Variants in SYNC observed in about 807,000 individuals in gnomAD.
SYNC encodes the protein syncoilin.
SYNC carries 38 observed loss-of-function variants against 49.5 expected under a neutral mutation model. The observed-to-expected ratio is 0.77, with a 90% CI of 0.59 to 1.01. The LOEUF is 1.01. Among genes scored for constraint, SYNC ranks in the 50% least tolerant of loss-of-function variants. SYNC has a pLI of 0.00. For missense variants in SYNC, 579 were observed against 580.6 expected, an observed-to-expected ratio of 1.00 and a Z score of 0.03; for synonymous variants, 201 against 230.8, an observed-to-expected ratio of 0.87 and a Z score of 1.17.
chr1:32,696,084 T>G (rs1364486473), intron 1 of SYNC, 40 bp from the exon 2 acceptor site: 12 of 1,499,020 alleles, frequency 8.0e-6, no homozygotes, highest in Non-Finnish European at 1.1e-5. Flanking sequence ...GCAGCCACAA[T>G]CCCAGGATGG....
At chr1:32,683,799 ATTT>A in intron 4 of SYNC, 1 of 526,690 alleles carries the variant, frequency 1.9e-6, no homozygotes, top group African/African-American at 1.9e-5. Flanking sequence ...TGCCCGGCTA[ATTT>A]TTGTATTTTT....
At chr1:32,684,504 TATTTA>T (rs1325627957) in intron 2 of SYNC, 122 bp from the exon 3 acceptor site, 62 of 1,389,160 alleles carry the variant, frequency 4.5e-5, no homozygotes, top group Non-Finnish European at 6.0e-5. Flanking sequence ...TTGAGGCTGG[TATTTA>T]TATGATAGGT....
intron 2 of SYNC, among the ~76,000 whole-genome samples, chr1:32,687,858 A>ATTTTTTTTTTTT (rs1553199396): frequency 5.6e-5 from 8 of 144,084 alleles, no homozygotes; most frequent in African/African-American, 1.5e-4. Flanking sequence ...TATTATTATT[A>ATTTTTTTTTTTT]TTATTTTTTG....
chr1:32,695,513 C>G lies in SYNC; in HGVS notation c.585G>C (p.Gln195His). ...GGAGCAATACAAGCTCATGGATGAG[C>G]TGATCCCTCTCCTCTTCCAGCTGGG... ...AVAQLEEERDQLIHELVLLRE... is the reference protein window; with the variant it reads ...AVAQLEEERDHLIHELVLLRE... Residue 195 changes from glutamine (Q) to histidine (H), a missense_variant, in exon 2 of 5, where the codon CAG becomes CAC. Coordinates refer to ENST00000409190, the MANE Select transcript of SYNC (RefSeq NM_030786.3). 1 of 1,551,514 alleles carries G rather than the reference C, an allele frequency of 6.4e-7. No homozygotes were observed. Among genetic ancestry groups the G allele is most frequent in the Non-Finnish European group, 8.7e-7 (1 of 1,146,974 alleles).
intron 1 of SYNC, among the ~76,000 whole-genome samples, chr1:32,697,691 T>C (rs911397245): frequency 6.9e-6 from 1 of 145,658 alleles, no homozygotes; most frequent in African/African-American, 2.6e-5. Flanking sequence ...GAGCCATGAC[T>C]GCACCACTCT....
intron 1 of SYNC, among the ~76,000 whole-genome samples, chr1:32,700,447 G>A (rs1650620823): frequency 6.6e-6 from 1 of 152,218 alleles, no homozygotes; most frequent in Non-Finnish European, 1.5e-5. Flanking sequence ...TGTAATCCCA[G>A]CACTTTGGGA....
At chr1:32,691,534 C>T (rs1650166835) in intron 2 of SYNC, among the ~76,000 whole-genome samples, 1 of 135,174 alleles carries the variant, frequency 7.4e-6, no homozygotes, top group African/African-American at 2.7e-5. Flanking sequence ...GCATGGGTGA[C>T]AGAGGGAGAC....
At chr1:32,687,670 C>A (rs1475613002) in intron 2 of SYNC, among the ~76,000 whole-genome samples, 21 of 141,832 alleles carry the variant, frequency 1.5e-4, no homozygotes, top group East Asian at 2.1e-4. Flanking sequence ...GGCTCCGTCT[C>A]AAAAAAAAAA....
chr1:32,680,880 G>T lies in SYNC; in HGVS notation c.*970C>A. On this transcript the variant is annotated 3_prime_UTR_variant, in exon 5 of 5. Transcript: ENST00000409190. ...GTGGCACAGATTAGTCTTTGATAAG[G>T]TAACGTTTCTTTGAAGTCTATCTGT... The T allele has an allele frequency of 3.9e-6, 1 of 259,360 alleles. No homozygotes were observed. Among genetic ancestry groups the T allele is most frequent in the Non-Finnish European group, 7.2e-6 (1 of 138,074 alleles). 16.1% of individuals were successfully genotyped at this position (259,360 alleles called of 1,614,324 possible).
chr1:32,703,314 G>A (rs1650741895), upstream of SYNC, among the ~76,000 whole-genome samples: 1 of 152,186 alleles, frequency 6.6e-6, no homozygotes, highest in Non-Finnish European at 1.5e-5. Context: ...TGGGGTTAGA[G>A]AGAACTGCGG....
chr1:32,687,168 T>C (rs1649882978), intron 2 of SYNC, among the ~76,000 whole-genome samples: 1 of 151,852 alleles, frequency 6.6e-6, no homozygotes, highest in South Asian at 2.1e-4. Flanking sequence ...GAGACCAGCC[T>C]GGCCAACATG....
chr1:32,696,135 A>C, intron 1 of SYNC, 91 bp from the exon 2 acceptor site: 1 of 1,057,186 alleles, frequency 9.5e-7, no homozygotes, highest in Non-Finnish European at 1.3e-6. Flanking sequence ...AGACTACCTC[A>C]GGTTCTTAGA....
chr1:32,688,179 A>T (rs990502497), intron 2 of SYNC, among the ~76,000 whole-genome samples: 10 of 152,078 alleles, frequency 6.6e-5, no homozygotes, highest in Non-Finnish European at 1.0e-4. Context: ...GAAGAGCCTG[A>T]GTATGGACTC....
rs137990754 is a variant in SYNC, at chr1:32,697,171, G to A, written c.54-1127C>T. Among the ~76,000 whole-genome samples the A allele has an allele frequency of 3.6e-3, 553 of 152,076 alleles. 5 individuals are homozygous for A. Among genetic ancestry groups the A allele is most frequent in the African/African-American group, 0.013 (522 of 41,476 alleles). On this transcript the variant is annotated intron_variant, in intron 1 of 4. Coordinates refer to ENST00000409190, the MANE Select transcript of SYNC (RefSeq NM_030786.3). The stretch of plus-strand genomic sequence containing the variant: ...AGAGAACCATGGTCGGCCAGGCGTG[G>A]TGGCTCACACCTGTAATCTCAGCAC...
chr1:32,695,830 G>A lies in SYNC; in HGVS notation c.268C>T (p.Gln90Ter), dbSNP rs753452112. 14 of 1,551,744 alleles carry A rather than the reference G, an allele frequency of 9.0e-6. No individual in the cohort carries two copies. The highest frequency in any genetic ancestry group is 1.0e-5 in the Non-Finnish European group (12 of 1,147,020). ...TCCACATGCAGAGCCTCATCTGGCTGCATGGCCTCCTCAATATACAGGGCC... is the reference window on the plus strand; with the variant it reads ...TCCACATGCAGAGCCTCATCTGGCTACATGGCCTCCTCAATATACAGGGCC... The part of the protein sequence containing the change: ...EEALYIEEAM[Q>*]PDEALHVEEP... The change falls in exon 2 of 5, where the codon CAG becomes TAG. Residue 90 changes from glutamine to a stop codon, truncating the protein, a stop_gained. Coordinates refer to ENST00000409190, the MANE Select transcript of SYNC (RefSeq NM_030786.3). LOFTEE classifies it high-confidence loss of function.
chr1:32,700,424 A>C (rs140563466), intron 1 of SYNC, among the ~76,000 whole-genome samples: 79 of 152,288 alleles, frequency 5.2e-4, no homozygotes, highest in African/African-American at 1.8e-3. Flanking sequence ...GGCTGGGTGC[A>C]GTGGCTCACG....
At chr1:32,686,585 C>G (rs1649846746) in intron 2 of SYNC, among the ~76,000 whole-genome samples, 1 of 152,118 alleles carries the variant, frequency 6.6e-6, no homozygotes, top group Non-Finnish European at 1.5e-5. Context: ...GGTTATCTGT[C>G]GCACACTAAG....
At chr1:32,692,849 C>G (rs1650229522) in intron 2 of SYNC, among the ~76,000 whole-genome samples, 1 of 151,656 alleles carries the variant, frequency 6.6e-6, no homozygotes, top group African/African-American at 2.4e-5. Flanking sequence ...TACTAAAATA[C>G]AAAAAATTAG....
At chr1:32,686,231 T>A (rs903380114) in intron 2 of SYNC, 5 of 152,254 alleles carry the variant, frequency 3.3e-5, no homozygotes, top group African/African-American at 1.2e-4. Flanking sequence ...TTTCTTTTTT[T>A]AATAGAGCTA....
Sources: gnomAD v4.1 joint callset for allele counts (sites outside exome capture counted in the v4.1 genomes callset) on GRCh38, gnomAD v4.1.1 for gene constraint, MANE v1.5 for transcripts, NCBI Gene and HGNC (gene_info 2026-07-23, HGNC 2026-07-21) for gene names.